The following ADGRB3 variants were observed in gnomAD, a reference collection of about 807,000 sequenced individuals.
ADGRB3 encodes the protein brain-specific angiogenesis inhibitor 3.
A neutral mutation model predicts 193.4 loss-of-function variants in ADGRB3; 37 were observed. The observed-to-expected ratio is 0.19, with a 90% CI of 0.15 to 0.25. The LOEUF (loss-of-function observed/expected upper bound fraction) is 0.25. Among genes scored for constraint, ADGRB3 ranks in the 10% least tolerant of loss-of-function variants. The probability of loss-of-function intolerance (pLI) is 1.00; values close to 1 mark genes in which losing one functional copy is unlikely to be tolerated. For synonymous variants in ADGRB3, 690 were observed against 644.2 expected, an observed-to-expected ratio of 1.07 and a Z score of -1.08; for missense variants, 1,637 against 1,852.9, an observed-to-expected ratio of 0.88 and a Z score of 2.14.
At chr6:69,287,945 A>C (rs1379031412) in intron 20 of ADGRB3, among the ~76,000 whole-genome samples, 1 of 152,176 alleles carries the variant, frequency 6.6e-6, no homozygotes, top group East Asian at 1.9e-4. Context: ...ACTTTTAGAA[A>C]TCTACTTTAA....
chr6:68,896,241 A>T (rs1398277196), intron 3 of ADGRB3, among the ~76,000 whole-genome samples: 1 of 152,008 alleles, frequency 6.6e-6, no homozygotes, highest in Non-Finnish European at 1.5e-5. Context: ...AGAACTGGAG[A>T]TTTTATAATA....
chr6:69,193,556 A>G (rs1465662738), intron 17 of ADGRB3, among the ~76,000 whole-genome samples: 1 of 152,128 alleles, frequency 6.6e-6, no homozygotes, highest in Non-Finnish European at 1.5e-5. Context: ...AGAGAAGTAG[A>G]CAATTTCACC....
intron 14 of ADGRB3, among the ~76,000 whole-genome samples, chr6:69,048,634 T>G (rs1771305378): frequency 6.6e-6 from 1 of 152,168 alleles, no homozygotes; most frequent in Non-Finnish European, 1.5e-5. Context: ...TGGACTAATA[T>G]TTTACCTTTA....
At chr6:69,379,201 T>C (rs1769895123) in intron 30 of ADGRB3, among the ~76,000 whole-genome samples, 1 of 151,988 alleles carries the variant, frequency 6.6e-6, no homozygotes, top group South Asian at 2.1e-4. Flanking sequence ...TCAATCAGAA[T>C]ATATCTTTAT....
At chr6:69,017,342 A>T (rs1327426896) in intron 12 of ADGRB3, among the ~76,000 whole-genome samples, 1 of 151,896 alleles carries the variant, frequency 6.6e-6, no homozygotes, top group Non-Finnish European at 1.5e-5. Context: ...GAACTCTCTA[A>T]TCCACTTAAT....
intron 3 of ADGRB3, among the ~76,000 whole-genome samples, chr6:68,802,304 CAA>C (rs986910422): frequency 2.0e-5 from 3 of 151,770 alleles, no homozygotes; most frequent in African/African-American, 7.3e-5. Context: ...CTCTTGGAAA[CAA>C]GAGCAGGATT....
At chr6:69,040,043 CA>C (rs1770983886) in intron 13 of ADGRB3, among the ~76,000 whole-genome samples, 1 of 152,012 alleles carries the variant, frequency 6.6e-6, no homozygotes, top group Non-Finnish European at 1.5e-5. Flanking sequence ...CCCGGCCCTA[CA>C]TAATCGTTTT....
At chr6:68,982,593 A>T (rs1187855208) in intron 10 of ADGRB3, among the ~76,000 whole-genome samples, 1 of 152,282 alleles carries the variant, frequency 6.6e-6, no homozygotes, top group East Asian at 1.9e-4. Flanking sequence ...TGAGGGTGAG[A>T]CCAGCTGGGT....
chr6:69,031,015 CTT>C (rs55776177), intron 13 of ADGRB3, among the ~76,000 whole-genome samples: 6,559 of 76,506 alleles, frequency 0.086, 1,329 homozygotes, highest in Middle Eastern at 0.32. Context: ...CTTTTCTTTT[CTT>C]TTTTTTTTCC....
At chr6:69,203,385 A>G (rs995762132) in intron 17 of ADGRB3, among the ~76,000 whole-genome samples, 11 of 151,918 alleles carry the variant, frequency 7.2e-5, no homozygotes, top group Non-Finnish European at 1.2e-4. Context: ...GCAAATAATA[A>G]CAGAGCCCTT....
intron 3 of ADGRB3, among the ~76,000 whole-genome samples, chr6:68,818,715 C>T (rs571149737): frequency 1.3e-5 from 2 of 152,018 alleles, no homozygotes; most frequent in Non-Finnish European, 2.9e-5. Flanking sequence ...AATGAACTAT[C>T]CAAGCTTCTT....
At chr6:68,970,999 T>A (rs1474494191) in intron 8 of ADGRB3, among the ~76,000 whole-genome samples, 2 of 152,248 alleles carry the variant, frequency 1.3e-5, no homozygotes, top group Middle Eastern at 3.4e-3. Context: ...GGAATTGAAG[T>A]GTGAGCAGCT....
intron 3 of ADGRB3, among the ~76,000 whole-genome samples, chr6:68,668,978 A>G (rs116602600): frequency 0.026 from 3,986 of 152,022 alleles, 171 homozygotes; most frequent in African/African-American, 0.09. Flanking sequence ...TGAATAAGAG[A>G]TGTCTAAATT....
chr6:69,108,480 A>T (rs1296454329), intron 17 of ADGRB3, among the ~76,000 whole-genome samples: 1 of 152,054 alleles, frequency 6.6e-6, no homozygotes, highest in Middle Eastern at 3.2e-3. Flanking sequence ...CATTATATGC[A>T]AAATACTTAA....
At chr6:68,962,458 C>A (rs1341910387) in intron 8 of ADGRB3, among the ~76,000 whole-genome samples, 1 of 152,196 alleles carries the variant, frequency 6.6e-6, no homozygotes, top group Non-Finnish European at 1.5e-5. Flanking sequence ...TTCATTTTAT[C>A]AGATTTTCTT....
intron 17 of ADGRB3, among the ~76,000 whole-genome samples, chr6:69,184,802 T>TCCTTTATGTTCTGC (rs780945357): frequency 1.4e-4 from 22 of 152,100 alleles, no homozygotes; most frequent in Non-Finnish European, 2.6e-4. Context: ...CAGAACAGTA[T>TCCTTTATGTTCTGC]CCTTTATGGG....
intron 28 of ADGRB3, among the ~76,000 whole-genome samples, chr6:69,356,061 A>G (rs914938002): frequency 5.9e-5 from 9 of 152,196 alleles, no homozygotes; most frequent in African/African-American, 1.9e-4. Flanking sequence ...GGTAAAAGGT[A>G]GGATATTAGG....
chr6:68,935,442 A>C (rs1295812628), intron 4 of ADGRB3, among the ~76,000 whole-genome samples: 1 of 152,228 alleles, frequency 6.6e-6, no homozygotes, highest in Non-Finnish European at 1.5e-5. Context: ...ATTCTATTCC[A>C]AAGGCAAATT....
At chr6:69,136,240 T>C (rs1452574965) in intron 17 of ADGRB3, among the ~76,000 whole-genome samples, 1 of 152,010 alleles carries the variant, frequency 6.6e-6, no homozygotes, top group Non-Finnish European at 1.5e-5. Flanking sequence ...ACTTAAGAAA[T>C]GTCATCCTAA....
Sources: allele counts gnomAD v4.1 joint callset (sites outside exome capture counted in the v4.1 genomes callset), GRCh38; gene constraint gnomAD v4.1.1; transcripts MANE v1.5; gene names NCBI Gene and HGNC (gene_info 2026-07-23, HGNC 2026-07-21).